The following BAZ2B variants were observed in gnomAD, a reference collection of about 807,000 sequenced individuals.
BAZ2B encodes bromodomain adjacent to zinc finger domain protein 2B.
Under a neutral mutation model 246.0 loss-of-function variants are expected in BAZ2B, and 91 were observed. The observed-to-expected ratio is 0.37, with a 90% CI of 0.31 to 0.44. The LOEUF is 0.44. BAZ2B is among the 20% of genes least tolerant of loss of function. BAZ2B has a pLI of 1.00. For missense variants in BAZ2B, 2,332 were observed against 2,533.7 expected, an observed-to-expected ratio of 0.92 and a Z score of 1.71; for synonymous variants, 855 against 860.0, an observed-to-expected ratio of 0.99 and a Z score of 0.10.
At chr2:159,381,761 T>C (rs2062020210) in intron 25 of BAZ2B, among the ~76,000 whole-genome samples, 1 of 152,206 alleles carries the variant, frequency 6.6e-6, no homozygotes, top group African/African-American at 2.4e-5. Flanking sequence ...AAGCAAAAGA[T>C]CCTAGTTCAT....
intron 2 of BAZ2B, 75 bp from the exon 3 acceptor site, chr2:159,478,796 GTA>G (rs2078923440): frequency 8.9e-7 from 1 of 1,129,290 alleles, no homozygotes; most frequent in Non-Finnish European, 1.2e-6. Context: ...TAAACTTTTT[GTA>G]TACTTTTAAA....
At chr2:159,474,945 C>T (rs967413933) in intron 3 of BAZ2B, among the ~76,000 whole-genome samples, 34 of 152,148 alleles carry the variant, frequency 2.2e-4, no homozygotes, top group Non-Finnish European at 3.8e-4. Context: ...TGATGGGGTT[C>T]CCTTTGTGGG....
Position 159,478,713 on chromosome 2 carries a change from A to G in BAZ2B, c.7T>C (p.Ser3Pro), listed in dbSNP as rs1362521751. 3.2e-6 allele frequency: 5 copies of G among 1,555,116 alleles called. No homozygotes were observed. The highest frequency in any genetic ancestry group is 4.3e-6 in the Non-Finnish European group (5 of 1,153,566). The change falls in exon 3 of 37, where the codon TCT becomes CCT. Residue 3 changes from serine (S) to proline (P), a missense_variant. By Grantham distance (74) the Ser-to-Pro change is moderately conservative. Coordinates refer to ENST00000392783, the MANE Select transcript of BAZ2B (RefSeq NM_013450.4). ME[S>P]GERLPSSAAS... is the part of the protein sequence containing the mutation. The stretch of plus-strand genomic sequence containing the variant: ...GCTGAGGATGGTAACCGTTCTCCAG[A>G]CTCCATATCTATGAGAAGGGAAAAT...
intron 9 of BAZ2B, among the ~76,000 whole-genome samples, chr2:159,431,735 T>C (rs982495565): frequency 6.6e-6 from 1 of 152,192 alleles, no homozygotes; most frequent in African/African-American, 2.4e-5. Context: ...TTTAAGTTTG[T>C]TCTAGCTACG....
chr2:159,561,822 G>A (rs950049938), intron 1 of BAZ2B, among the ~76,000 whole-genome samples: 9 of 152,178 alleles, frequency 5.9e-5, no homozygotes, highest in African/African-American at 2.2e-4. Flanking sequence ...AAATTGGGAG[G>A]AGAGGAATTC....
intron 4 of BAZ2B, among the ~76,000 whole-genome samples, chr2:159,451,110 A>G (rs1301030534): frequency 6.6e-6 from 1 of 152,208 alleles, no homozygotes; most frequent in African/African-American, 2.4e-5. Flanking sequence ...GATTTAGCAG[A>G]ATTTAAAAAT....
the BAZ2B span, among the ~76,000 whole-genome samples, chr2:159,639,796 TAAAC>T: frequency 8.6e-5 from 13 of 151,402 alleles, no homozygotes; most frequent in South Asian, 4.2e-4. Flanking sequence ...ACAAAACAAA[TAAAC>T]AAACAAACCA....
At chr2:159,414,936 A>C (rs560323683) in intron 13 of BAZ2B, among the ~76,000 whole-genome samples, 1 of 152,280 alleles carries the variant, frequency 6.6e-6, no homozygotes, top group South Asian at 2.1e-4. Context: ...TGTGGTTATG[A>C]GTCCTTATCT....
In BAZ2B at chr2:159,439,105, T is replaced by C; in HGVS notation, c.804A>G (p.Leu268=). 6 of 1,613,918 alleles carry C rather than the reference T, an allele frequency of 3.7e-6. No individual in the cohort carries two copies. The highest frequency in any genetic ancestry group is 4.2e-6 in the Non-Finnish European group (5 of 1,179,908). The change falls in exon 7 of 37, where the codon CTA becomes CTG. Residue 268 remains leucine (L), a synonymous_variant. Transcript: ENST00000392783. Reference sequence around the variant, plus strand: ...GATCTTCTTCTTCTTCATCTTCTTCTAGATCATCTGAATCACTGCTACTAA... The same window carrying C: ...GATCTTCTTCTTCTTCATCTTCTTCCAGATCATCTGAATCACTGCTACTAA... ...EGISSSDSDD[L]EEDEEEEDQS...
the BAZ2B span, among the ~76,000 whole-genome samples, chr2:159,640,827 T>A: frequency 1.8e-3 from 250 of 140,046 alleles, 1 homozygote; most frequent in African/African-American, 6.3e-3. Context: ...ATGAAACATT[T>A]AAAAAAAAAA....
intron 2 of BAZ2B, among the ~76,000 whole-genome samples, chr2:159,498,001 CT>C (rs1449891173): frequency 6.6e-6 from 1 of 152,178 alleles, no homozygotes; most frequent in East Asian, 1.9e-4. Context: ...TTATGGAGCA[CT>C]TTAGCTTCTA....
chr2:159,370,285 G>A (rs1348966413), intron 27 of BAZ2B, among the ~76,000 whole-genome samples: 4 of 150,438 alleles, frequency 2.7e-5, no homozygotes, highest in African/African-American at 9.8e-5. Flanking sequence ...AAATCTGCAC[G>A]TTGTGCACAT....
the BAZ2B span, among the ~76,000 whole-genome samples, chr2:159,699,818 T>C: frequency 6.6e-6 from 1 of 152,228 alleles, no homozygotes; most frequent in Admixed American, 6.5e-5. Flanking sequence ...CCTAGAACTT[T>C]ATCTATGCTG....
intron 2 of BAZ2B, among the ~76,000 whole-genome samples, chr2:159,519,609 A>C (rs1043840924): frequency 4.0e-5 from 6 of 151,052 alleles, no homozygotes; most frequent in African/African-American, 1.2e-4. Context: ...CCAGGGTTCC[A>C]GATCAGGCAA....
Position 159,579,159 on chromosome 2 carries a change from A to G in BAZ2B, c.-45-23294T>C, listed in dbSNP as rs1291311666. Among the ~76,000 whole-genome samples the G allele has an allele frequency of 2.0e-5, 3 of 152,158 alleles. No individual in the cohort carries two copies. In the East Asian group the frequency reaches 5.8e-4, roughly 29 times the overall value. ...AGCTGGTTTTTTGAAAACATCAACAAAACTGATAGATCGCTAGCAAGACTA... is the reference window on the plus strand; with the variant it reads ...AGCTGGTTTTTTGAAAACATCAACAGAACTGATAGATCGCTAGCAAGACTA... On this transcript the variant is annotated intron_variant, in intron 1 of 36. Transcript: ENST00000392783.
At chr2:159,481,059 T>C in intron 2 of BAZ2B, among the ~76,000 whole-genome samples, 1 of 109,804 alleles carries the variant, frequency 9.1e-6, no homozygotes, top group South Asian at 3.5e-4. Context: ...ATCTTACACA[T>C]ACCCTTTTTT....
chr2:159,326,925 T>C (rs1056559318), intron 34 of BAZ2B, among the ~76,000 whole-genome samples: 3 of 152,356 alleles, frequency 2.0e-5, no homozygotes, highest in African/African-American at 7.2e-5. Context: ...GCTTTTATTT[T>C]TATTTTCCAA....
chr2:159,320,342 A>G lies in BAZ2B; in HGVS notation c.6430T>C (p.Ser2144Pro). The change falls in exon 37 of 37, where the codon TCT becomes CCT. Residue 2144 changes from serine to proline, a missense_variant. Ser to Pro is a moderately conservative substitution (Grantham distance 74). Around this residue, in one of 9 missense-constraint regions of BAZ2B, gnomAD observed 210 missense variants for 232.5 expected, o/e 0.90. Coordinates refer to ENST00000392783, the MANE Select transcript of BAZ2B (RefSeq NM_013450.4). ...DNCETFNEDD[S>P]DIGRAGHNMR... is the part of the protein sequence containing the mutation. ...TTGTGGCCAGCTCTGCCTATATCAG[A>G]ATCATCTTCATTAAATGTTTCACAG... 6.3e-7 allele frequency: 1 copy of G among 1,584,354 alleles called. No individual in the cohort carries two copies. The highest frequency in any genetic ancestry group is 8.5e-7 in the Non-Finnish European group (1 of 1,172,398).
chr2:159,458,716 T>C (rs988623081), intron 3 of BAZ2B: 1 of 152,210 alleles, frequency 6.6e-6, no homozygotes, highest in African/African-American at 2.4e-5. Context: ...CTTTCAATAA[T>C]ACTATCTCCT....
Sources: allele counts gnomAD v4.1 joint callset (sites outside exome capture counted in the v4.1 genomes callset), GRCh38; gene constraint gnomAD v4.1.1; regional missense constraint gnomAD v4.1.1; transcripts MANE v1.5; gene names NCBI Gene and HGNC (gene_info 2026-07-23, HGNC 2026-07-21).